BCR: variants seen among roughly 807,000 people sequenced by gnomAD.
The protein encoded by BCR is breakpoint cluster region protein.
A neutral mutation model predicts 138.6 loss-of-function variants in BCR; 58 were observed. The observed-to-expected ratio is 0.42, with a 90% CI of 0.34 to 0.52. The LOEUF is 0.52. Among genes scored for constraint, BCR ranks in the 20% least tolerant of loss-of-function variants. The pLI is 0.06. For missense variants in BCR, 1,599 were observed against 1,727.2 expected (o/e 0.93, Z 1.32); for synonymous variants, 786 against 730.1 (o/e 1.08, Z -1.23).
chr22:23,278,392 C>T (rs1467240497), intron 8 of BCR, among the ~76,000 whole-genome samples: 6 of 152,110 alleles, frequency 3.9e-5, no homozygotes, highest in Non-Finnish European at 8.8e-5. Context: ...TGGTGAGGCT[C>T]GGGCAGAGGA....
intron 1 of BCR, among the ~76,000 whole-genome samples, chr22:23,245,371 C>T (rs529108690): frequency 1.1e-4 from 16 of 152,242 alleles, no homozygotes; most frequent in South Asian, 4.1e-4. Flanking sequence ...TCTCTCTACC[C>T]GGGCAGCTGC....
At chr22:23,243,624 C>T (rs116754790) in intron 1 of BCR, among the ~76,000 whole-genome samples, 3,879 of 151,486 alleles carry the variant, frequency 0.026, 181 homozygotes, top group African/African-American at 0.089. Flanking sequence ...AAGGTTTTCC[C>T]GAATTCTGTG....
At chr22:23,288,322 G>A (rs971014365) in intron 12 of BCR, 150 bp downstream of exon 12, 45 of 827,744 alleles carry the variant, frequency 5.4e-5, no homozygotes, top group Non-Finnish European at 6.2e-5. Context: ...AGAAGTTGGC[G>A]ACAGCCATCC....
intron 1 of BCR, chr22:23,216,987 G>T (rs922772817): frequency 2.3e-6 from 1 of 440,932 alleles, no homozygotes; most frequent in Non-Finnish European, 4.5e-6. Context: ...CTAAGCGGGG[G>T]TAGAAAGCTG....
chr22:23,314,885 C>T (rs530227751), intron 22 of BCR, among the ~76,000 whole-genome samples, 171 bp downstream of exon 22: 114 of 152,360 alleles, frequency 7.5e-4, no homozygotes, highest in Non-Finnish European at 1.3e-3. Context: ...AGTGGGGGCC[C>T]AGGCCACCTC....
At chr22:23,188,953 G>A (rs192199011) in intron 1 of BCR, among the ~76,000 whole-genome samples, 8 of 151,884 alleles carry the variant, frequency 5.3e-5, no homozygotes, top group African/African-American at 1.2e-4. Context: ...TACAACCCCC[G>A]CCACCCAGGT....
chr22:23,201,840 C>T (rs2072557135), intron 1 of BCR, among the ~76,000 whole-genome samples: 1 of 152,156 alleles, frequency 6.6e-6, no homozygotes, highest in South Asian at 2.1e-4. Flanking sequence ...AGTCCGTGGA[C>T]ATTGGCTGCA....
At chr22:23,263,343 G>A in intron 4 of BCR, 2 of 1,199,090 alleles carry the variant, frequency 1.7e-6, no homozygotes, top group Non-Finnish European at 2.4e-6. Context: ...GCGCCAGATA[G>A]CCTGGGCCTC....
At chr22:23,239,388 G>A (rs770116102) in intron 1 of BCR, among the ~76,000 whole-genome samples, 2 of 152,156 alleles carry the variant, frequency 1.3e-5, no homozygotes, top group South Asian at 4.1e-4. Context: ...GCAGGTGCCC[G>A]GCACTGGAAG....
At chr22:23,283,816 G>A (rs997552865) in intron 8 of BCR, 161 bp from the exon 9 acceptor site, 17 of 939,752 alleles carry the variant, frequency 1.8e-5, no homozygotes, top group African/African-American at 8.4e-5. Flanking sequence ...TGAACAAAAC[G>A]TTCTGGAAAG....
At chr22:23,264,242 C>G in intron 4 of BCR, 1 of 994,040 alleles carries the variant, frequency 1.0e-6, no homozygotes, top group Non-Finnish European at 1.6e-6. Flanking sequence ...GCCCGCACAC[C>G]TTCCCGCTGA....
chr22:23,288,130 C>T lies in BCR; in HGVS notation c.2560C>T (p.Arg854Cys), dbSNP rs1445461506. ...YTFLISSDYE[R>C]AEWRENIREQ... The stretch of plus-strand genomic sequence containing the variant: ...GTTCCTGATCTCCTCTGACTATGAG[C>T]GTGCAGAGTGGAGGGAGAACATCCG... The change falls in exon 12 of 23, where the codon CGT becomes TGT. Residue 854 changes from arginine to cysteine, a missense_variant. Arg to Cys is a radical substitution (Grantham distance 180). Coordinates refer to ENST00000305877, the MANE Select transcript of BCR (RefSeq NM_004327.4). 7 of 1,614,012 alleles carry T rather than the reference C, an allele frequency of 4.3e-6. No homozygotes were observed. Among genetic ancestry groups the T allele is most frequent in the East Asian group, 2.2e-5 (1 of 44,876 alleles).
chr22:23,313,066 G>A (rs1360693362), intron 20 of BCR, 45 bp downstream of exon 20: 38 of 1,537,702 alleles, frequency 2.5e-5, no homozygotes, highest in East Asian at 4.8e-5. Flanking sequence ...TCTCCTCCAC[G>A]TGCACTGCTG....
chr22:23,288,816 T>C (rs558821671), intron 12 of BCR, among the ~76,000 whole-genome samples: 1 of 152,312 alleles, frequency 6.6e-6, no homozygotes, highest in East Asian at 1.9e-4. Flanking sequence ...GGGTCCTGCC[T>C]GGCAGTGTCG....
chr22:23,277,354 C>T (rs980296441), intron 8 of BCR, among the ~76,000 whole-genome samples: 31 of 152,192 alleles, frequency 2.0e-4, no homozygotes, highest in Non-Finnish European at 4.4e-4. Flanking sequence ...GCCATGGGCC[C>T]CTGGCCGCCT....
intron 1 of BCR, among the ~76,000 whole-genome samples, chr22:23,249,178 C>A (rs1202329545): frequency 1.3e-5 from 2 of 151,762 alleles, no homozygotes; most frequent in East Asian, 1.9e-4. Flanking sequence ...GCCTGTAATC[C>A]CAGCACTTTG....
At chr22:23,286,997 C>G (rs2073721420) in intron 10 of BCR, among the ~76,000 whole-genome samples, 162 bp from the exon 11 acceptor site, 1 of 152,204 alleles carries the variant, frequency 6.6e-6, no homozygotes, top group South Asian at 2.1e-4. Context: ...CCTCCAGAGG[C>G]CACCAGCAAC....
At chr22:23,312,392 C>G in intron 19 of BCR, 2 of 179,222 alleles carry the variant, frequency 1.1e-5, no homozygotes, top group Non-Finnish European at 2.4e-5. Flanking sequence ...CTAGAATGCC[C>G]AGCATCCCTG....
At chr22:23,300,949 G>C (rs563203609) in intron 16 of BCR, among the ~76,000 whole-genome samples, 1 of 152,362 alleles carries the variant, frequency 6.6e-6, no homozygotes, top group East Asian at 1.9e-4. Flanking sequence ...GAAGACAAAA[G>C]TCTATGACTT....
Sources: allele counts gnomAD v4.1 joint callset (sites outside exome capture counted in the v4.1 genomes callset), GRCh38; gene constraint gnomAD v4.1.1; transcripts MANE v1.5; gene names NCBI Gene and HGNC (gene_info 2026-07-23, HGNC 2026-07-21).